Variants in PRKN observed in about 807,000 individuals in gnomAD.
PRKN encodes parkin RBR E3 ubiquitin protein ligase.
Under a neutral mutation model 59.5 loss-of-function variants are expected in PRKN, and 56 were observed. That is an observed-to-expected ratio of 0.94 (90% CI 0.76 to 1.18). PRKN has a LOEUF of 1.18. Among genes scored for constraint, PRKN ranks in the 50% most tolerant of loss-of-function variants. The pLI is 0.00. For synonymous variants in PRKN, 250 were observed against 222.1 expected, an observed-to-expected ratio of 1.13 and a Z score of -1.12; for missense variants, 657 against 596.4, an observed-to-expected ratio of 1.10 and a Z score of -1.06.
In PRKN at chr6:161,846,536, C is replaced by T. The variant is rs117273761; in HGVS notation, c.735-60628G>A. On this transcript the variant is annotated intron_variant, in intron 6 of 11. Coordinates refer to ENST00000366898, the MANE Select transcript of PRKN (RefSeq NM_004562.3). ...TGGGAGCACAGGGCCCAAGCAGGCT[C>T]CCTGTCCCCAGTGAGGAAAATACAG... 6.4e-3 allele frequency among the ~76,000 whole-genome samples: 970 copies of T among 152,260 alleles called. 2 individuals carry two copies. Among genetic ancestry groups the T allele is most frequent in the Admixed American group, 0.01 (153 of 15,282 alleles).
At chr6:161,521,500 T>G (rs901615862) in intron 9 of PRKN, among the ~76,000 whole-genome samples, 2 of 152,232 alleles carry the variant, frequency 1.3e-5, no homozygotes, top group Non-Finnish European at 2.9e-5. Flanking sequence ...GTATTAAACA[T>G]GTCATTTTCA....
intron 8 of PRKN, among the ~76,000 whole-genome samples, chr6:161,558,291 G>A (rs1040922009): frequency 6.6e-6 from 1 of 152,114 alleles, no homozygotes; most frequent in Non-Finnish European, 1.5e-5. Context: ...GTCAGGTATA[G>A]TGACTCATGT....
chr6:162,479,215 C>A (rs1583643923), intron 1 of PRKN, among the ~76,000 whole-genome samples: 1 of 150,704 alleles, frequency 6.6e-6, no homozygotes, highest in African/African-American at 2.4e-5. Context: ...AAAAAAAAAA[C>A]AACCTTTAAA....
At chr6:162,587,303 T>A (rs965542910) in intron 1 of PRKN, among the ~76,000 whole-genome samples, 2 of 152,078 alleles carry the variant, frequency 1.3e-5, no homozygotes, top group Non-Finnish European at 1.5e-5. Flanking sequence ...ATTCAGCTAA[T>A]TTTTGTGTTT....
rs1399450276 is a variant in PRKN at position 161,584,618 on chromosome 6, C to T, written c.872-15202G>A. The stretch of plus-strand genomic sequence containing the variant: ...TTATTGTAAGAGAGTAGCTGTTGTC[C>T]CTCCAATAAAAAGTGTGCAATGAAT... On this transcript the variant is annotated intron_variant, in intron 7 of 11. Coordinates refer to ENST00000366898, the MANE Select transcript of PRKN (RefSeq NM_004562.3). The surrounding 1 kb of genome is among the most constrained non-coding windows in gnomAD (Gnocchi z 4.8). 6.6e-6 allele frequency among the ~76,000 whole-genome samples: 1 copy of T among 151,946 alleles called. No homozygotes were observed. The highest frequency in any genetic ancestry group is 1.5e-5 in the Non-Finnish European group (1 of 67,988).
intron 4 of PRKN, among the ~76,000 whole-genome samples, chr6:162,199,371 CTAA>C (rs1431130631): frequency 7.5e-4 from 114 of 152,308 alleles, no homozygotes; most frequent in Non-Finnish European, 2.4e-4. Flanking sequence ...AATAGGGTTA[CTAA>C]TAATGCTTAA....
rs1781261510 is a variant in PRKN, at chr6:161,579,579, G to A, written c.872-10163C>T. Among the ~76,000 whole-genome samples, 1 of 152,124 alleles carries A rather than the reference G, an allele frequency of 6.6e-6. No homozygotes were observed. Among genetic ancestry groups the A allele is most frequent in the Admixed American group, 6.5e-5 (1 of 15,268 alleles). ...CATGTTCCTGAATAGGGCATATTCA[G>A]GCACTATTAAGTTTGGGAAAATAAA... On this transcript the variant is annotated intron_variant, in intron 7 of 11. Coordinates refer to ENST00000366898, the MANE Select transcript of PRKN (RefSeq NM_004562.3). This position sits in a 1 kb window ranked among gnomAD's most constrained non-coding sequence, Gnocchi z 4.2.
At chr6:161,923,862 C>A (rs12110810) in intron 6 of PRKN, among the ~76,000 whole-genome samples, 2,750 of 152,240 alleles carry the variant, frequency 0.018, 85 homozygotes, top group African/African-American at 0.063. Flanking sequence ...CTTCCTCTTT[C>A]CCTGTCTGCC....
intron 1 of PRKN, among the ~76,000 whole-genome samples, chr6:162,534,981 TCTCTTCCTTCCCCAGTC>T (rs1778659056): frequency 7.7e-6 from 1 of 129,062 alleles, no homozygotes; most frequent in East Asian, 2.0e-4. Context: ...CTTCCCCAGT[TCTCTTCCTTCCCCAGTC>T]CTCTTCCATC....
chr6:162,509,736 A>G (rs1488658049), intron 1 of PRKN, among the ~76,000 whole-genome samples: 1 of 152,238 alleles, frequency 6.6e-6, no homozygotes, highest in Admixed American at 6.5e-5. Context: ...TGTATAAAAA[A>G]GTCATTAGTT....
intron 1 of PRKN, among the ~76,000 whole-genome samples, chr6:162,470,183 C>T (rs184698579): frequency 1.6e-4 from 25 of 152,258 alleles, no homozygotes; most frequent in Admixed American, 6.5e-4. Flanking sequence ...GACTTAAACG[C>T]TGCATAGACA....
intron 1 of PRKN, chr6:162,569,788 G>A: frequency 4.1e-6 from 2 of 485,792 alleles, no homozygotes; most frequent in African/African-American, 3.9e-5. Context: ...GCCTGGGAGG[G>A]AGGCTGCTGT....
intron 2 of PRKN, among the ~76,000 whole-genome samples, chr6:162,395,847 T>C (rs529977218): frequency 6.6e-6 from 1 of 152,312 alleles, no homozygotes; most frequent in South Asian, 2.1e-4. Flanking sequence ...TATAGGACTA[T>C]TATTATCTGA....
At chr6:161,508,651 C>G (rs1382431057) in intron 9 of PRKN, among the ~76,000 whole-genome samples, 1 of 152,120 alleles carries the variant, frequency 6.6e-6, no homozygotes, top group Non-Finnish European at 1.5e-5. Flanking sequence ...TTCATAAATC[C>G]AATTCCTCAA....
rs1784653260 is a variant in PRKN, at chr6:161,353,883, T to G, written c.1286-3672A>C. On this transcript the variant is annotated intron_variant, in intron 11 of 11. Coordinates refer to ENST00000366898, the MANE Select transcript of PRKN (RefSeq NM_004562.3). This position sits in a 1 kb window ranked among gnomAD's most constrained non-coding sequence, Gnocchi z 4.8. ...AGCAGGACACTCAGCCGGTGTCCAC[T>G]GCAGAACTGATTGCTTGCTTGGTGC... 6.6e-6 allele frequency among the ~76,000 whole-genome samples: 1 copy of G among 152,168 alleles called. No homozygotes were observed. Among genetic ancestry groups the G allele is most frequent in the African/African-American group, 2.4e-5 (1 of 41,446 alleles).
At position 161,460,263 on chromosome 6, in the gene PRKN, A is replaced by G. The variant is rs1204646249; in HGVS notation, c.1084-73386T>C. On this transcript the variant is annotated intron_variant, in intron 9 of 11. Transcript: ENST00000366898. This position sits in a 1 kb window ranked among gnomAD's most constrained non-coding sequence, Gnocchi z 5.0. ...AGATTATTTTATTTAATTCTTGTTG[A>G]TGGGCACCGTGTGTTTACAGAGGAG... is the stretch of plus-strand genomic sequence containing the variant. 6.6e-6 allele frequency among the ~76,000 whole-genome samples: 1 copy of G among 152,168 alleles called. No homozygotes were observed. Among genetic ancestry groups the G allele is most frequent in the Non-Finnish European group, 1.5e-5 (1 of 68,034 alleles).
intron 8 of PRKN, among the ~76,000 whole-genome samples, chr6:161,565,948 G>A (rs1285109590): frequency 6.6e-6 from 1 of 152,096 alleles, no homozygotes; most frequent in East Asian, 1.9e-4. Context: ...TCTTGTCCAA[G>A]CCCATGCCTA....
intron 4 of PRKN, among the ~76,000 whole-genome samples, chr6:162,189,991 A>AT (rs1489958644): frequency 6.6e-6 from 1 of 152,158 alleles, no homozygotes; most frequent in Non-Finnish European, 1.5e-5. Flanking sequence ...CTGAAGATTC[A>AT]TAACACATTA....
At position 162,266,262 on chromosome 6, in the gene PRKN, G is replaced by A. The variant is rs1284718296; in HGVS notation, c.172-3497C>T. Among the ~76,000 whole-genome samples the A allele has an allele frequency of 3.3e-5, 5 of 151,470 alleles. No homozygotes were observed. In the South Asian group the frequency reaches 1.0e-3, roughly 32 times the overall value. On this transcript the variant is annotated intron_variant, in intron 2 of 11. Transcript: ENST00000366898. ...CTTTGCTTACTGTGCTCTTCTTATT[G>A]CAGTGGTTAGAGCTTGGACAGTATA...
Sources: gnomAD v4.1 joint callset for allele counts (sites outside exome capture counted in the v4.1 genomes callset) on GRCh38, gnomAD v4.1.1 for gene constraint, Gnocchi (gnomAD v3.1) non-coding constraint, MANE v1.5 for transcripts, NCBI Gene and HGNC (gene_info 2026-07-23, HGNC 2026-07-21) for gene names.